The following EHMT1 variants were observed in gnomAD, a reference collection of about 807,000 sequenced individuals.
EHMT1 encodes euchromatic histone lysine methyltransferase 1.
In EHMT1, 15 loss-of-function variants were observed where a neutral mutation model predicts 147.2. That is an observed-to-expected ratio of 0.10 (90% confidence interval 0.07 to 0.16). EHMT1 has a LOEUF of 0.16. Ranked by LOEUF, EHMT1 falls within the 10% of genes least tolerant of loss-of-function variation. The pLI is 1.00. For synonymous variants in EHMT1, 795 were observed against 709.6 expected (o/e 1.12, Z -1.91); for missense variants, 1,587 against 1,772.4 (o/e 0.90, Z 1.88).
rs1444235654 is a variant in EHMT1, at chr9:137,763,078, T to C, written c.1647+258T>C. 4 of 610,622 alleles carry C rather than the reference T, an allele frequency of 6.6e-6. No individual in the cohort carries two copies. The East Asian group carries it at 8.2e-5, about 13-fold the overall frequency. 37.8% of individuals were successfully genotyped at this position (610,622 alleles called of 1,614,324 possible). A position where few individuals can be genotyped will look rare whatever the true frequency, so the allele number is the denominator to read the frequency against. ...ATGAAAATGGCCTGTTGTATTTCTT[T>C]TTTATGATCATGGTTTTGTCAAGGT... On this transcript the variant is annotated intron_variant, in intron 10 of 26. Coordinates refer to ENST00000460843, the MANE Select transcript of EHMT1 (RefSeq NM_024757.5).
At chr9:137,832,431 C>T (rs903005711) in intron 25 of EHMT1, among the ~76,000 whole-genome samples, 1 of 148,488 alleles carries the variant, frequency 6.7e-6, no homozygotes, top group Non-Finnish European at 1.5e-5. Context: ...GCACTTTGCT[C>T]CCATCCTAGG....
chr9:137,702,972 G>A (rs2135211752), intron 1 of EHMT1, among the ~76,000 whole-genome samples: 1 of 152,332 alleles, frequency 6.6e-6, no homozygotes, highest in East Asian at 1.9e-4. Context: ...AAATCTAGGT[G>A]GAGGCTCCCA....
intron 1 of EHMT1, among the ~76,000 whole-genome samples, chr9:137,636,592 T>C (rs1208463229): frequency 3.3e-5 from 5 of 152,186 alleles, no homozygotes; most frequent in African/African-American, 1.2e-4. Flanking sequence ...TTGTTGAGTG[T>C]TTTCATTATA....
intron 1 of EHMT1, among the ~76,000 whole-genome samples, chr9:137,678,271 C>T (rs1941583887): frequency 1.3e-5 from 2 of 152,084 alleles, no homozygotes; most frequent in Admixed American, 1.3e-4. Context: ...CTAGAGCCCC[C>T]AGCACAGTGT....
At chr9:137,664,735 T>G (rs1221999287) in intron 1 of EHMT1, among the ~76,000 whole-genome samples, 1 of 152,090 alleles carries the variant, frequency 6.6e-6, no homozygotes, top group African/African-American at 2.4e-5. Flanking sequence ...GGAGCCGAGG[T>G]GGAGGGCAGG....
In EHMT1 at chr9:137,790,010, G is replaced by A. The variant is rs566690675; in HGVS notation, c.2383-838G>A. On this transcript the variant is annotated intron_variant, in intron 15 of 26. Coordinates refer to ENST00000460843, the MANE Select transcript of EHMT1 (RefSeq NM_024757.5). The stretch of plus-strand genomic sequence containing the variant: ...CTCCCAAAGTGCTGGGATGACAGGC[G>A]TGAGCTGCCGTGCCCGGCCTCTCCA... Among the ~76,000 whole-genome samples the A allele has an allele frequency of 2.8e-4, 42 of 152,348 alleles. 1 individual carries two copies. Among genetic ancestry groups the A allele is most frequent in the Middle Eastern group, 3.4e-3 (1 of 294 alleles).
chr9:137,666,413 A>T (rs565253374), intron 1 of EHMT1, among the ~76,000 whole-genome samples: 28 of 152,358 alleles, frequency 1.8e-4, no homozygotes, highest in Middle Eastern at 3.4e-3. Flanking sequence ...GCTGACTAGC[A>T]GTGTTTTCCT....
chr9:137,710,450 G>A (rs1944600816), intron 1 of EHMT1, among the ~76,000 whole-genome samples: 1 of 152,212 alleles, frequency 6.6e-6, no homozygotes, highest in Admixed American at 6.5e-5. Context: ...TCCAGCCTGG[G>A]CGAGAGAGTG....
intron 1 of EHMT1, among the ~76,000 whole-genome samples, chr9:137,690,707 T>C (rs1276122704): frequency 6.6e-6 from 1 of 152,148 alleles, no homozygotes; most frequent in Non-Finnish European, 1.5e-5. Context: ...GTAGCTGGGA[T>C]TACAGGCGTG....
chr9:137,624,507 G>A (rs957655139), intron 1 of EHMT1, among the ~76,000 whole-genome samples: 18 of 152,042 alleles, frequency 1.2e-4, no homozygotes, highest in Non-Finnish European at 2.2e-4. Context: ...GTAGAGACAG[G>A]GTTTCGCCAT....
At chr9:137,749,943 G>A (rs555095907) in intron 6 of EHMT1, among the ~76,000 whole-genome samples, 1 of 152,352 alleles carries the variant, frequency 6.6e-6, no homozygotes, top group Admixed American at 6.5e-5. Context: ...AAGCAAGGGA[G>A]GAGAGGCTGC....
At chr9:137,761,737 G>C (rs140825805) in intron 9 of EHMT1, among the ~76,000 whole-genome samples, 4 of 152,194 alleles carry the variant, frequency 2.6e-5, no homozygotes, top group Non-Finnish European at 5.9e-5. Flanking sequence ...GATTACAGGC[G>C]TGAGCCACCG....
chr9:137,834,078 C>A, intron 25 of EHMT1: 1 of 545,912 alleles, frequency 1.8e-6, no homozygotes, highest in Non-Finnish European at 3.3e-6. Flanking sequence ...CCCATGGGGA[C>A]GCCGTCAAGG....
chr9:137,632,882 C>T lies in EHMT1; in HGVS notation c.21+13833C>T, dbSNP rs148299232. On this transcript the variant is annotated intron_variant, in intron 1 of 26. Transcript: ENST00000460843. ...ACCATGCTAATGATTCTCGTCCTTG[C>T]AATAAGGGCAGTAGGAGGGTTTCAA... Among the ~76,000 whole-genome samples the T allele has an allele frequency of 1.6e-3, 248 of 152,306 alleles. 2 individuals carry two copies. The highest frequency in any genetic ancestry group is 7.5e-3 in the East Asian group (39 of 5,190).
chr9:137,818,236 T>C, intron 25 of EHMT1, 98 bp downstream of exon 25: 1 of 1,332,416 alleles, frequency 7.5e-7, no homozygotes, highest in East Asian at 2.3e-5. Context: ...AGAGAGCTCT[T>C]ACTGTTGACA....
chr9:137,653,747 T>G (rs539608819), intron 1 of EHMT1, among the ~76,000 whole-genome samples: 1 of 152,070 alleles, frequency 6.6e-6, no homozygotes, highest in Non-Finnish European at 1.5e-5. Flanking sequence ...ACGCTGGTCT[T>G]GAACTCCCGA....
intron 22 of EHMT1, chr9:137,814,822 C>T: frequency 1.9e-6 from 1 of 530,098 alleles, no homozygotes; most frequent in South Asian, 2.0e-5. Flanking sequence ...TTGTGTGTAT[C>T]TGGTAAGCTG....
chr9:137,797,963 C>G (rs957199601), intron 16 of EHMT1, among the ~76,000 whole-genome samples: 2 of 152,228 alleles, frequency 1.3e-5, no homozygotes, highest in African/African-American at 2.4e-5. Flanking sequence ...TCCCCTGCCT[C>G]TTCTGGAGCT....
At chr9:137,624,565 C>T (rs1389546205) in intron 1 of EHMT1, among the ~76,000 whole-genome samples, 1 of 152,186 alleles carries the variant, frequency 6.6e-6, no homozygotes, top group Non-Finnish European at 1.5e-5. Flanking sequence ...AGTGATCCAC[C>T]TTCCTCAGCC....
Sources: gnomAD v4.1 joint callset for allele counts (sites outside exome capture counted in the v4.1 genomes callset) on GRCh38, gnomAD v4.1.1 for gene constraint, MANE v1.5 for transcripts, NCBI Gene and HGNC (gene_info 2026-07-23, HGNC 2026-07-21) for gene names.